PRKN: variants seen among roughly 807,000 people sequenced by gnomAD.
PRKN encodes parkin RBR E3 ubiquitin protein ligase.
Under a neutral mutation model 59.5 loss-of-function variants are expected in PRKN, and 56 were observed. The ratio of observed to expected loss-of-function variants is 0.94; its 90% CI spans 0.76 to 1.18. The LOEUF is 1.18. Among genes scored for constraint, PRKN ranks in the 50% most tolerant of loss-of-function variants. The pLI is 0.00. For synonymous variants in PRKN, 250 were observed against 222.1 expected (o/e 1.13, Z -1.12); for missense variants, 657 against 596.4 (o/e 1.10, Z -1.06).
At position 162,274,168 on chromosome 6, in the gene PRKN, T is replaced by TTA. The variant is rs1562631846; in HGVS notation, c.172-11404_172-11403insTA. On this transcript the variant is annotated intron_variant, in intron 2 of 11. Transcript: ENST00000366898. ...CTTCTTGTAATTTAATTAATTAATT[T>TTA]ATTAATTTATTAATGTATTTATTTA... 1.1e-3 allele frequency among the ~76,000 whole-genome samples: 161 copies of TTA among 151,510 alleles called. 1 individual carries two copies. Among genetic ancestry groups the TTA allele is most frequent in the African/African-American group, 3.7e-3 (150 of 41,092 alleles).
intron 2 of PRKN, among the ~76,000 whole-genome samples, chr6:162,328,225 G>A (rs1261537301): frequency 7.2e-6 from 1 of 139,180 alleles, no homozygotes; most frequent in African/African-American, 2.6e-5. Context: ...TGGGCATGGT[G>A]GTGCACACCT....
chr6:161,973,699 G>A (rs991783292), intron 5 of PRKN, among the ~76,000 whole-genome samples: 5 of 152,112 alleles, frequency 3.3e-5, no homozygotes, highest in Non-Finnish European at 7.4e-5. Flanking sequence ...CATGCCCCTC[G>A]ATGATAATAA....
chr6:161,860,365 C>T (rs7764729), intron 6 of PRKN, among the ~76,000 whole-genome samples: 7,933 of 152,242 alleles, frequency 0.052, 215 homozygotes, highest in Non-Finnish European at 0.066. Flanking sequence ...TCCATGTATG[C>T]ATGCAATTGT....
chr6:161,415,765 T>C (rs948051349), intron 9 of PRKN, among the ~76,000 whole-genome samples: 3 of 151,576 alleles, frequency 2.0e-5, no homozygotes, highest in African/African-American at 7.3e-5. Context: ...TCAGTTCTGC[T>C]CTCACTCCCC....
At chr6:162,299,298 T>C (rs1781833197) in intron 2 of PRKN, among the ~76,000 whole-genome samples, 1 of 152,104 alleles carries the variant, frequency 6.6e-6, no homozygotes, top group Admixed American at 6.6e-5. Context: ...GAGAGGCCAA[T>C]GGCTGAATAG....
intron 5 of PRKN, among the ~76,000 whole-genome samples, chr6:162,053,466 A>C (rs1009277093): frequency 6.6e-6 from 1 of 152,204 alleles, no homozygotes; most frequent in Non-Finnish European, 1.5e-5. Flanking sequence ...CATAATAACA[A>C]AATTAACTTA....
chr6:162,310,760 T>TTAA (rs1554298443), intron 2 of PRKN, among the ~76,000 whole-genome samples: 1 of 142,984 alleles, frequency 7.0e-6, no homozygotes, highest in African/African-American at 2.8e-5. Flanking sequence ...TATATATATA[T>TTAA]AAAAAAAAGC....
chr6:162,438,459 G>A (rs1411053130), intron 2 of PRKN, among the ~76,000 whole-genome samples: 1 of 151,834 alleles, frequency 6.6e-6, no homozygotes, highest in Non-Finnish European at 1.5e-5. Context: ...CATTCTTTTA[G>A]GGTAGGTCTG....
chr6:161,956,584 TAGTTCCATCCATCTATAATTTAGTA>T (rs1780177521), intron 6 of PRKN, among the ~76,000 whole-genome samples: 1 of 146,906 alleles, frequency 6.8e-6, no homozygotes, highest in Non-Finnish European at 1.5e-5. Flanking sequence ...GATAAAAGGA[TAGTTCCATCCATCTATAATTTAGTA>T]AGGGATACAA....
intron 8 of PRKN, among the ~76,000 whole-genome samples, chr6:161,558,789 C>T (rs868291482): frequency 2.6e-5 from 4 of 152,012 alleles, no homozygotes; most frequent in African/African-American, 9.7e-5. Context: ...CTTAGATTGT[C>T]AGTAATCTTC....
At chr6:162,162,446 G>A (rs1471688070) in intron 4 of PRKN, among the ~76,000 whole-genome samples, 24 of 152,108 alleles carry the variant, frequency 1.6e-4, no homozygotes, top group Non-Finnish European at 2.9e-5. Flanking sequence ...AGGCACGACT[G>A]TTTGTATTGG....
chr6:162,262,596 C>T lies in PRKN; in HGVS notation c.341G>A (p.Gly114Glu). The part of the protein sequence containing the change: ...RVDLSSSVLP[G>E]DSVGLAVILH... ...AATGACAGCCAGCCCCACAGAGTCT[C>T]CTGGGAGGACTGAGCTGCTGAGGTC... The change falls in exon 3 of 12, where the codon GGA (glycine) becomes GAA (glutamate). Residue 114 changes from glycine (G) to glutamate (E), a missense_variant. Transcript: ENST00000366898. 1 of 1,613,134 alleles carries T rather than the reference C, an allele frequency of 6.2e-7. No individual in the cohort carries two copies. Among genetic ancestry groups the T allele is most frequent in the Non-Finnish European group, 8.5e-7 (1 of 1,179,178 alleles).
chr6:161,715,803 G>C (rs999645764), intron 7 of PRKN, among the ~76,000 whole-genome samples: 1 of 152,112 alleles, frequency 6.6e-6, no homozygotes, highest in Non-Finnish European at 1.5e-5. Flanking sequence ...GGGGAATGAC[G>C]GGAAGCTTCT....
chr6:161,950,277 G>T (rs1427440282), intron 6 of PRKN, among the ~76,000 whole-genome samples: 1 of 152,198 alleles, frequency 6.6e-6, no homozygotes, highest in South Asian at 2.1e-4. Context: ...GGGTGTGGTG[G>T]CTTATGCCTG....
intron 2 of PRKN, among the ~76,000 whole-genome samples, chr6:162,308,791 A>G (rs1186898267): frequency 6.6e-6 from 1 of 152,028 alleles, no homozygotes. Context: ...ATCAGATTAT[A>G]TTTTCTGGTG....
At chr6:161,768,563 C>G (rs1329335663) in intron 7 of PRKN, among the ~76,000 whole-genome samples, 4 of 151,500 alleles carry the variant, frequency 2.6e-5, no homozygotes. Flanking sequence ...GATAGAAAAA[C>G]AAAAAAAATT....
chr6:161,574,047 T>C (rs1781036033), intron 7 of PRKN, among the ~76,000 whole-genome samples: 1 of 151,892 alleles, frequency 6.6e-6, no homozygotes, highest in Admixed American at 6.6e-5. Flanking sequence ...TTGAAACACC[T>C]GGTAGGTTCA....
chr6:161,501,168 G>A (rs1056662303), intron 9 of PRKN, among the ~76,000 whole-genome samples: 3 of 152,218 alleles, frequency 2.0e-5, no homozygotes, highest in East Asian at 1.9e-4. Context: ...CATTGTGCCC[G>A]GCTGTGTTTA....
At chr6:162,634,941 C>T (rs1235021513) in intron 1 of PRKN, among the ~76,000 whole-genome samples, 1 of 152,148 alleles carries the variant, frequency 6.6e-6, no homozygotes, top group Non-Finnish European at 1.5e-5. Context: ...GTTTTCTCAC[C>T]TGTAATATTA....
Sources: allele counts gnomAD v4.1 joint callset (sites outside exome capture counted in the v4.1 genomes callset), GRCh38; gene constraint gnomAD v4.1.1; transcripts MANE v1.5; gene names NCBI Gene and HGNC (gene_info 2026-07-23, HGNC 2026-07-21).